Variants in SOS2 observed in about 807,000 individuals in gnomAD.
SOS2 encodes the protein son of sevenless homolog 2.
SOS2 carries 65 observed loss-of-function variants against 148.2 expected under a neutral mutation model. The ratio of observed to expected loss-of-function variants is 0.44; its 90% confidence interval spans 0.36 to 0.54. The LOEUF (loss-of-function observed/expected upper bound fraction) is 0.54, where lower values mean the gene tolerates loss of function less well. Ranked by LOEUF, SOS2 falls within the 20% of genes least tolerant of loss-of-function variation. The pLI is 0.00. For synonymous variants in SOS2, 539 were observed against 537.1 expected, an observed-to-expected ratio of 1.00 and a Z score of -0.05; for missense variants, 1,341 against 1,590.2, an observed-to-expected ratio of 0.84 and a Z score of 2.67.
intron 18 of SOS2, among the ~76,000 whole-genome samples, chr14:50,136,514 C>T (rs999414897): frequency 4.0e-5 from 6 of 151,802 alleles, no homozygotes; most frequent in Non-Finnish European, 7.4e-5. Flanking sequence ...TCACAGAGGG[C>T]GGGTTCAATG....
intron 14 of SOS2, among the ~76,000 whole-genome samples, chr14:50,146,134 C>T (rs1257464241): frequency 1.2e-5 from 1 of 85,180 alleles, no homozygotes; most frequent in Non-Finnish European, 2.5e-5. Flanking sequence ...GCTCTGTCTC[C>T]AAAAAAAAAA....
At position 50,153,193 on chromosome 14, in the gene SOS2, C is replaced by T. The variant is rs1250534397; in HGVS notation, c.2058-20G>A. 2.8e-6 allele frequency: 4 copies of T among 1,407,840 alleles called. No individual in the cohort carries two copies. Among genetic ancestry groups the T allele is most frequent in the Non-Finnish European group, 4.0e-6 (4 of 1,001,116 alleles). The allele number at this position is 1,407,840 out of a possible 1,614,324, so 87.2% of individuals were successfully genotyped here. A position where few individuals can be genotyped will look rare whatever the true frequency, so the allele number is the denominator to read the frequency against. On this transcript the variant is annotated intron_variant, in intron 12 of 22. Transcript: ENST00000216373. ...AAGATCCTGATAAAATGGAAAGAAACACATTTTAGTGAAACATAAGTGTTC... is the reference window on the plus strand; with the variant it reads ...AAGATCCTGATAAAATGGAAAGAAATACATTTTAGTGAAACATAAGTGTTC...
chr14:50,210,689 G>GAA (rs34764427), intron 1 of SOS2, among the ~76,000 whole-genome samples: 28 of 151,118 alleles, frequency 1.9e-4, no homozygotes, highest in Non-Finnish European at 3.5e-4. Context: ...AATTCAGTAA[G>GAA]AAAAAAAATG....
chr14:50,213,051 A>C (rs1224711013), intron 1 of SOS2, among the ~76,000 whole-genome samples: 1 of 152,236 alleles, frequency 6.6e-6, no homozygotes, highest in African/African-American at 2.4e-5. Flanking sequence ...AAGGGTATGA[A>C]TCAAGAAAGA....
chr14:50,189,331 C>CAAAAAAAAAAAAAAAAAAAA lies in SOS2; in HGVS notation c.511-632_511-631insTTTTTTTTTTTTTTTTTTTT, dbSNP rs761860061. Among the ~76,000 whole-genome samples, 53 of 31,450 alleles carry CAAAAAAAAAAAAAAAAAAAA rather than the reference C, an allele frequency of 1.7e-3. 8 individuals are homozygous for CAAAAAAAAAAAAAAAAAAAA. Among genetic ancestry groups the CAAAAAAAAAAAAAAAAAAAA allele is most frequent in the East Asian group, 4.6e-3 (4 of 870 alleles). 20.6% of individuals were successfully genotyped at this position (31,450 alleles called of 152,430 possible). ...ACACACACACACACACACATAATAG[C>CAAAAAAAAAAAAAAAAAAAA]AAAAAAAAAAAAAAAAAGCAAGCCT... On this transcript the variant is annotated intron_variant, in intron 4 of 22. Transcript: ENST00000216373.
At chr14:50,209,274 CGTGTGTGTGTGTGTGTGT>C (rs140994310) in intron 1 of SOS2, among the ~76,000 whole-genome samples, 36 of 118,368 alleles carry the variant, frequency 3.0e-4, no homozygotes, top group East Asian at 2.3e-3. Context: ...CCTTAAATGT[CGTGTGTGTGTGTGTGTGT>C]GTGTGTGTGT....
chr14:50,178,670 G>GTGTATA lies in SOS2; in HGVS notation c.969+1901_969+1902insTATACA, dbSNP rs1566839555. 6.9e-4 allele frequency among the ~76,000 whole-genome samples: 47 copies of GTGTATA among 68,012 alleles called. 1 individual carries two copies. The highest frequency in any genetic ancestry group is 0.013 in the Middle Eastern group (1 of 80). 44.6% of individuals were successfully genotyped at this position (68,012 alleles called of 152,430 possible). ...CTAGTGTGTGTGTGTGTGTGTGTGT[G>GTGTATA]CATATATATATATATATATATATAT... On this transcript the variant is annotated intron_variant, in intron 7 of 22. Transcript: ENST00000216373.
intron 4 of SOS2, among the ~76,000 whole-genome samples, chr14:50,191,347 C>A (rs949985437): frequency 6.6e-6 from 1 of 152,040 alleles, no homozygotes; most frequent in Non-Finnish European, 1.5e-5. Context: ...TAGACACCTG[C>A]GGTCCTAACT....
chr14:50,193,509 T>C (rs1886219052), intron 4 of SOS2, among the ~76,000 whole-genome samples: 1 of 152,150 alleles, frequency 6.6e-6, no homozygotes, highest in African/African-American at 2.4e-5. Context: ...GAATACCTCA[T>C]ATAGCCACAT....
At chr14:50,185,547 C>G (rs1885880902) in intron 5 of SOS2, among the ~76,000 whole-genome samples, 1 of 151,946 alleles carries the variant, frequency 6.6e-6, no homozygotes, top group Admixed American at 6.6e-5. Context: ...CAAAAATTAG[C>G]CAGGCGTGGT....
chr14:50,191,505 A>C (rs1886138259), intron 4 of SOS2, among the ~76,000 whole-genome samples: 1 of 151,986 alleles, frequency 6.6e-6, no homozygotes, highest in African/African-American at 2.4e-5. Context: ...CCCCAGCTCC[A>C]AACAATTTTT....
intron 7 of SOS2, among the ~76,000 whole-genome samples, chr14:50,178,315 T>C (rs1001466466): frequency 5.3e-5 from 8 of 152,162 alleles, no homozygotes; most frequent in Admixed American, 1.3e-4. Flanking sequence ...CCTCTTGCTT[T>C]GACCATGTGA....
At chr14:50,202,617 C>T (rs988051845) in intron 2 of SOS2, among the ~76,000 whole-genome samples, 10 of 152,054 alleles carry the variant, frequency 6.6e-5, no homozygotes, top group Non-Finnish European at 1.3e-4. Flanking sequence ...CACTTGTAGT[C>T]CCAGCTACTT....
rs190371489 is a variant in SOS2, at chr14:50,130,143, C to G, written c.3338-141G>C. On this transcript the variant is annotated intron_variant, in intron 20 of 22. Transcript: ENST00000216373. ...CCATGTTAGTTTTTTAAAAAATTAA[C>G]TCAGAACCTTCTGTATCTAGAATGG... The G allele has an allele frequency of 0.023, 14,241 of 606,244 alleles. 249 individuals are homozygous for G. Among genetic ancestry groups the G allele is most frequent in the Non-Finnish European group, 0.031 (10,824 of 348,018 alleles). The allele number at this position is 606,244 out of a possible 1,614,324, so 37.6% of individuals were successfully genotyped here.
intron 5 of SOS2, among the ~76,000 whole-genome samples, chr14:50,188,006 C>T (rs1231679237): frequency 2.0e-5 from 3 of 152,140 alleles, no homozygotes; most frequent in Non-Finnish European, 4.4e-5. Context: ...TAATTTTGTG[C>T]CTAATTTTCA....
At chr14:50,224,467 A>G (rs1595039321) in intron 1 of SOS2, among the ~76,000 whole-genome samples, 2 of 152,174 alleles carry the variant, frequency 1.3e-5, no homozygotes, top group African/African-American at 2.4e-5. Flanking sequence ...GAGAAAAAAA[A>G]TCCCTGAAAG....
chr14:50,118,475 G>C lies in SOS2; in HGVS notation c.3868C>G (p.Pro1290Ala), dbSNP rs761580972. 1.1e-5 allele frequency: 18 copies of C among 1,614,026 alleles called. No individual in the cohort carries two copies. In the Admixed American group the frequency reaches 1.5e-4, roughly 13 times the overall value. The change falls in exon 23 of 23, where the codon CCC (proline) becomes GCC (alanine). Residue 1290 changes from proline to alanine, a missense_variant. Physicochemically the swap from Pro to Ala is conservative, Grantham distance 27 (BLOSUM62 -1). This residue lies in a region of SOS2 where 354 missense variants were observed against 347.7 expected (regional missense o/e 1.02). Transcript: ENST00000216373. Reference sequence around the variant, plus strand: ...GAATTCTGCCTTGGTGGAACAGGGGGAGCTGGAGGATGAGCAAGATTATTC... The same window carrying C: ...GAATTCTGCCTTGGTGGAACAGGGGCAGCTGGAGGATGAGCAAGATTATTC... Reference protein sequence around the residue: ...SQNNLAHPPAPPVPPRQNSSP... With the variant: ...SQNNLAHPPAAPVPPRQNSSP...
chr14:50,194,692 T>C (rs1886260907), intron 4 of SOS2, among the ~76,000 whole-genome samples: 1 of 150,948 alleles, frequency 6.6e-6, no homozygotes, highest in Admixed American at 6.6e-5. Context: ...GCAGGAGAAT[T>C]GCTTGAAACT....
intron 10 of SOS2, 128 bp downstream of exon 10, chr14:50,159,303 G>T: frequency 1.8e-6 from 1 of 554,416 alleles, no homozygotes; most frequent in Non-Finnish European, 3.2e-6. Context: ...TATTCCTTTT[G>T]TTTTTGCAGT....
Sources: allele counts gnomAD v4.1 joint callset (sites outside exome capture counted in the v4.1 genomes callset), GRCh38; gene constraint gnomAD v4.1.1; regional missense constraint gnomAD v4.1.1; transcripts MANE v1.5; gene names NCBI Gene and HGNC (gene_info 2026-07-23, HGNC 2026-07-21).